The following TEX14 variants were observed in gnomAD, a reference collection of about 807,000 sequenced individuals.
TEX14 encodes the protein inactive serine/threonine-protein kinase TEX14.
In TEX14, 168 loss-of-function variants were observed where a neutral mutation model predicts 178.6. The observed-to-expected ratio is 0.94, with a 90% CI of 0.83 to 1.07. The LOEUF (loss-of-function observed/expected upper bound fraction) is 1.07, where lower values mean the gene tolerates loss of function less well. TEX14 is among the 50% of genes least tolerant of loss of function. TEX14 has a pLI of 0.00. For missense variants in TEX14, 1,730 were observed against 1,753.6 expected (o/e 0.99, Z 0.24); for synonymous variants, 626 against 634.1 (o/e 0.99, Z 0.19).
chr17:58,665,789 T>C (rs1294030539), intron 1 of TEX14, among the ~76,000 whole-genome samples: 2 of 150,702 alleles, frequency 1.3e-5, no homozygotes, highest in Non-Finnish European at 3.0e-5. Context: ...CTCACGCCTA[T>C]AATCCCAGCA....
intron 2 of TEX14, among the ~76,000 whole-genome samples, chr17:58,631,475 T>C (rs75982345): frequency 0.064 from 9,670 of 151,826 alleles, 616 homozygotes; most frequent in South Asian, 0.27. Context: ...ATATCTCACA[T>C]CTCTCAAAAC....
At chr17:58,623,890 C>T (rs141633481) in intron 3 of TEX14, among the ~76,000 whole-genome samples, 1 of 152,096 alleles carries the variant, frequency 6.6e-6, no homozygotes, top group African/African-American at 2.4e-5. Flanking sequence ...AAAAAGTCAT[C>T]CAACTCCAGA....
At chr17:58,633,843 C>T (rs903586436) in intron 2 of TEX14, among the ~76,000 whole-genome samples, 2 of 151,974 alleles carry the variant, frequency 1.3e-5, no homozygotes, top group African/African-American at 4.8e-5. Flanking sequence ...TGGCACACGC[C>T]TGTAGTCCCA....
chr17:58,641,353 T>C (rs979497249), intron 2 of TEX14, among the ~76,000 whole-genome samples: 3 of 151,934 alleles, frequency 2.0e-5, no homozygotes, highest in Non-Finnish European at 2.9e-5. Context: ...GAGGTTGCGA[T>C]GAGCCAAGAT....
At chr17:58,680,785 A>C (rs2047488723) in intron 1 of TEX14, among the ~76,000 whole-genome samples, 1 of 152,122 alleles carries the variant, frequency 6.6e-6, no homozygotes, top group Admixed American at 6.6e-5. Context: ...GGAGTTTCAG[A>C]GTTAACAGTG....
chr17:58,650,662 G>A (rs2046821354), intron 2 of TEX14, among the ~76,000 whole-genome samples: 1 of 151,754 alleles, frequency 6.6e-6, no homozygotes, highest in Non-Finnish European at 1.5e-5. Context: ...GGGTCTCACA[G>A]TGTTGCCCAG....
chr17:58,685,124 A>T (rs2143588594), intron 1 of TEX14, among the ~76,000 whole-genome samples: 1 of 152,342 alleles, frequency 6.6e-6, no homozygotes, highest in South Asian at 2.1e-4. Flanking sequence ...ATGTTACCAA[A>T]GTCAGAATAC....
chr17:58,586,782 T>C (rs2044986294), intron 17 of TEX14, among the ~76,000 whole-genome samples: 1 of 152,102 alleles, frequency 6.6e-6, no homozygotes, highest in Non-Finnish European at 1.5e-5. Flanking sequence ...ACTGTCTGTG[T>C]GGCACTTGCA....
chr17:58,607,012 CAA>C (rs35155837), intron 10 of TEX14, among the ~76,000 whole-genome samples: 14,905 of 90,792 alleles, frequency 0.16, 457 homozygotes, highest in Non-Finnish European at 0.21. Flanking sequence ...GCTACTGTCT[CAA>C]AAAAAAAAAA....
At chr17:58,637,789 G>A (rs2046469923) in intron 2 of TEX14, among the ~76,000 whole-genome samples, 1 of 152,026 alleles carries the variant, frequency 6.6e-6, no homozygotes. Context: ...ATCAAATCTG[G>A]GGAGTGGGTT....
chr17:58,655,570 T>C (rs530800952), intron 1 of TEX14, among the ~76,000 whole-genome samples: 1 of 152,262 alleles, frequency 6.6e-6, no homozygotes, highest in African/African-American at 2.4e-5. Context: ...TCCGCCTGCC[T>C]TGGCCTCCCA....
intron 2 of TEX14, among the ~76,000 whole-genome samples, chr17:58,641,006 C>G (rs986462618): frequency 6.6e-6 from 1 of 152,150 alleles, no homozygotes; most frequent in Non-Finnish European, 1.5e-5. Context: ...AGGCATGAGC[C>G]ACCATACCCT....
chr17:58,619,521 A>AG (rs748780533), intron 5 of TEX14, among the ~76,000 whole-genome samples: 21 of 151,972 alleles, frequency 1.4e-4, no homozygotes, highest in African/African-American at 4.1e-4. Context: ...CATTAAGAGG[A>AG]GGGGGGGCGG....
chr17:58,612,243 T>C (rs1269807651), intron 9 of TEX14, among the ~76,000 whole-genome samples: 4 of 152,116 alleles, frequency 2.6e-5, no homozygotes, highest in Non-Finnish European at 5.9e-5. Context: ...TTATAGTTAG[T>C]CAAAGGTGTC....
chr17:58,661,562 C>CGCG (rs1567765146), intron 1 of TEX14: 2 of 742,128 alleles, frequency 2.7e-6, no homozygotes, highest in South Asian at 2.9e-5. Flanking sequence ...CTCGGGGAGC[C>CGCG]GCGGCGGCGG....
At chr17:58,616,546 C>T (rs989150419) in intron 6 of TEX14, among the ~76,000 whole-genome samples, 2 of 151,194 alleles carry the variant, frequency 1.3e-5, no homozygotes, top group Admixed American at 6.6e-5. Flanking sequence ...TCCTCCCACT[C>T]CACCCTCCCA....
chr17:58,607,414 C>T (rs570198824), intron 10 of TEX14, among the ~76,000 whole-genome samples: 27 of 152,296 alleles, frequency 1.8e-4, no homozygotes, highest in African/African-American at 6.0e-4. Flanking sequence ...ATGGTCACCA[C>T]TAGGCCCTGT....
At chr17:58,579,855 GA>G in intron 19 of TEX14, 124 bp from the exon 20 acceptor site, 1 of 767,232 alleles carries the variant, frequency 1.3e-6, no homozygotes, top group Non-Finnish European at 2.1e-6. Flanking sequence ...CATCTTTATA[GA>G]AAAAGCACAA....
chr17:58,682,703 T>C (rs1051779020), intron 1 of TEX14, among the ~76,000 whole-genome samples: 1 of 152,212 alleles, frequency 6.6e-6, no homozygotes, highest in Non-Finnish European at 1.5e-5. Context: ...AAGTGGCTCA[T>C]GAATCCTCAC....
Sources: allele counts gnomAD v4.1 joint callset (sites outside exome capture counted in the v4.1 genomes callset), GRCh38; gene constraint gnomAD v4.1.1; transcripts MANE v1.5; gene names NCBI Gene and HGNC (gene_info 2026-07-23, HGNC 2026-07-21).